HECTD2: variants seen among roughly 807,000 people sequenced by gnomAD.
The protein encoded by HECTD2 is probable E3 ubiquitin-protein ligase HECTD2.
Under a neutral mutation model 103.2 loss-of-function variants are expected in HECTD2, and 35 were observed. The observed-to-expected ratio is 0.34, with a 90% CI of 0.26 to 0.45. The LOEUF (loss-of-function observed/expected upper bound fraction) is 0.45, where lower values mean the gene tolerates loss of function less well. HECTD2 is among the 20% of genes least tolerant of loss of function. The pLI, the probability that HECTD2 is intolerant of heterozygous loss-of-function variation, is 1.00. For missense variants in HECTD2, 596 were observed against 937.4 expected (o/e 0.64, Z 4.76); for synonymous variants, 281 against 329.9 (o/e 0.85, Z 1.61).
At chr10:91,440,342 T>C (rs1041904364) in intron 2 of HECTD2, among the ~76,000 whole-genome samples, 1 of 152,162 alleles carries the variant, frequency 6.6e-6, no homozygotes, top group Non-Finnish European at 1.5e-5. Context: ...AATTGTGTGG[T>C]TTTTGTCATC....
chr10:91,441,674 C>T (rs1844390074), intron 2 of HECTD2, among the ~76,000 whole-genome samples: 1 of 32,750 alleles, frequency 3.1e-5, no homozygotes. Context: ...TTAAAGTCTC[C>T]CACTATCATT....
intron 20 of HECTD2, among the ~76,000 whole-genome samples, chr10:91,505,816 A>G (rs1226207372): frequency 1.2e-4 from 18 of 152,192 alleles, no homozygotes; most frequent in Non-Finnish European, 2.1e-4. Context: ...TCAACAGAAT[A>G]TACATTTTTT....
intron 2 of HECTD2, among the ~76,000 whole-genome samples, chr10:91,440,304 T>G (rs1216163649): frequency 6.6e-6 from 1 of 152,162 alleles, no homozygotes; most frequent in Non-Finnish European, 1.5e-5. Flanking sequence ...TGAATTTTAT[T>G]GAAGGACTTT....
In HECTD2 at chr10:91,487,808, T is replaced by A. The variant is rs1240216995; in HGVS notation, c.1191+30T>A. 1.7e-6 allele frequency: 2 copies of A among 1,181,024 alleles called. No homozygotes were observed. The highest frequency in any genetic ancestry group is 2.5e-5 in the South Asian group (2 of 79,128). The allele number at this position is 1,181,024 out of a possible 1,614,324, so 73.2% of individuals were successfully genotyped here. On this transcript the variant is annotated intron_variant, in intron 11 of 20. Coordinates refer to ENST00000298068, the MANE Select transcript of HECTD2 (RefSeq NM_182765.6). The surrounding 1 kb of genome is among the most constrained non-coding windows in gnomAD (Gnocchi z 4.1). The stretch of plus-strand genomic sequence containing the variant: ...GTCAGCTATAAAAACATATTTATGC[T>A]GACTATAATCAGTATAGTAAATAAT...
intron 14 of HECTD2, among the ~76,000 whole-genome samples, chr10:91,495,702 C>T (rs1846640560): frequency 6.6e-6 from 1 of 152,062 alleles, no homozygotes; most frequent in Non-Finnish European, 1.5e-5. Flanking sequence ...TTGGAAATTA[C>T]CTATCCTATT....
intron 2 of HECTD2, among the ~76,000 whole-genome samples, chr10:91,439,080 A>G (rs1237529734): frequency 6.6e-6 from 1 of 152,166 alleles, no homozygotes; most frequent in Non-Finnish European, 1.5e-5. Context: ...GTTTAGTTTA[A>G]TTAGATGCCA....
chr10:91,412,637 A>G (rs573990347), intron 1 of HECTD2, among the ~76,000 whole-genome samples: 3 of 149,690 alleles, frequency 2.0e-5, no homozygotes, highest in Non-Finnish European at 4.4e-5. Context: ...TTTTAAAAAA[A>G]AAAACAATTT....
chr10:91,503,519 C>T (rs546237666), intron 20 of HECTD2, among the ~76,000 whole-genome samples: 4 of 152,226 alleles, frequency 2.6e-5, no homozygotes, highest in African/African-American at 9.6e-5. Context: ...GGGTGACGGA[C>T]AGCACCTGGA....
intron 5 of HECTD2, among the ~76,000 whole-genome samples, chr10:91,474,432 CCTT>C (rs1400525153): frequency 3.9e-5 from 6 of 152,082 alleles, no homozygotes; most frequent in Non-Finnish European, 8.8e-5. Context: ...ATACCAGACA[CCTT>C]CTAAACCAAA....
Position 91,487,546 on chromosome 10 carries a change from CAATCATTTTGTATAT to C in HECTD2, c.1095-135_1095-121del, listed in dbSNP as rs747893706. On this transcript the variant is annotated intron_variant, in intron 10 of 20. Transcript: ENST00000298068. The surrounding 1 kb of genome is among the most constrained non-coding windows in gnomAD (Gnocchi z 4.1). ...AGAATTAAAAGAAATTATACACATA[CAATCATTTTGTATAT>C]GGTAAAACACAATCCAAAAGTAATG... The C allele has an allele frequency of 4.2e-6, 3 of 712,394 alleles. No individual in the cohort carries two copies. Among genetic ancestry groups the C allele is most frequent in the Non-Finnish European group, 7.8e-6 (3 of 383,490 alleles). The allele number at this position is 712,394 out of a possible 1,614,324, so 44.1% of individuals were successfully genotyped here.
At chr10:91,495,153 A>G (rs781176681) in intron 14 of HECTD2, among the ~76,000 whole-genome samples, 1 of 152,048 alleles carries the variant, frequency 6.6e-6, no homozygotes, top group African/African-American at 2.4e-5. Flanking sequence ...TGTAAAAAGC[A>G]TAATACTATA....
intron 2 of HECTD2, among the ~76,000 whole-genome samples, chr10:91,428,197 C>T (rs530629551): frequency 0.013 from 2,012 of 151,278 alleles, 29 homozygotes; most frequent in African/African-American, 0.046. Flanking sequence ...AGATATGTGG[C>T]GTTATTTCTG....
At chr10:91,481,036 T>G (rs1198358110) in intron 6 of HECTD2, 58 bp from the exon 7 acceptor site, 7 of 1,059,902 alleles carry the variant, frequency 6.6e-6, no homozygotes, top group Non-Finnish European at 7.0e-6. Context: ...GTCTTTTTCG[T>G]TAGATGCTAT....
chr10:91,459,526 A>C (rs1336931933), intron 2 of HECTD2, among the ~76,000 whole-genome samples: 1 of 152,108 alleles, frequency 6.6e-6, no homozygotes, highest in Non-Finnish European at 1.5e-5. Flanking sequence ...AACAACTTGG[A>C]TGAATCTCCA....
intron 2 of HECTD2, among the ~76,000 whole-genome samples, chr10:91,439,340 TCC>T (rs1844285939): frequency 6.6e-6 from 1 of 152,220 alleles, no homozygotes; most frequent in Non-Finnish European, 1.5e-5. Flanking sequence ...GGGAATCCTT[TCC>T]CCATTGATTG....
chr10:91,511,895 T>TA (rs1220480952), intron 20 of HECTD2, among the ~76,000 whole-genome samples: 1 of 152,162 alleles, frequency 6.6e-6, no homozygotes, highest in Non-Finnish European at 1.5e-5. Context: ...GTTTACCCTA[T>TA]ATTGTTGATG....
intron 20 of HECTD2, among the ~76,000 whole-genome samples, chr10:91,501,958 G>GC (rs1414622220): frequency 6.6e-6 from 1 of 151,854 alleles, no homozygotes; most frequent in Admixed American, 6.6e-5. Context: ...TTTGTCTCCT[G>GC]CCCCATACAT....
At chr10:91,440,655 AC>A (rs563604942) in intron 2 of HECTD2, among the ~76,000 whole-genome samples, 1 of 114,046 alleles carries the variant, frequency 8.8e-6, no homozygotes, top group Non-Finnish European at 1.8e-5. Flanking sequence ...TGGAATGGTA[AC>A]AGCTCCTCTT....
rs752789404 is a variant in HECTD2 at position 91,468,960 on chromosome 10, A to C, written c.600+6776A>C. On this transcript the variant is annotated intron_variant, in intron 5 of 20. Coordinates refer to ENST00000298068, the MANE Select transcript of HECTD2 (RefSeq NM_182765.6). ...CACTCAAAAAAAAAAAAAAAAAACA[A>C]GAGTACAGTTGCAAACATTAACAGC... 2.9e-3 allele frequency among the ~76,000 whole-genome samples: 434 copies of C among 151,164 alleles called. 1 individual carries two copies. Among genetic ancestry groups the C allele is most frequent in the Non-Finnish European group, 4.4e-3 (300 of 67,686 alleles).
Sources: gnomAD v4.1 joint callset for allele counts (sites outside exome capture counted in the v4.1 genomes callset) on GRCh38, gnomAD v4.1.1 for gene constraint, Gnocchi (gnomAD v3.1) non-coding constraint, MANE v1.5 for transcripts, NCBI Gene and HGNC (gene_info 2026-07-23, HGNC 2026-07-21) for gene names.